The following ZMAT4 variants were observed in gnomAD, a reference collection of about 807,000 sequenced individuals.
The protein encoded by ZMAT4 is zinc finger matrin-type 4.
A neutral mutation model predicts 28.7 loss-of-function variants in ZMAT4; 17 were observed. That is an observed-to-expected ratio of 0.59 (90% CI 0.41 to 0.89). The LOEUF (loss-of-function observed/expected upper bound fraction) is 0.89. ZMAT4 is among the 40% of genes least tolerant of loss of function. The pLI, the probability that ZMAT4 is intolerant of heterozygous loss-of-function variation, is 0.00. For synonymous variants in ZMAT4, 117 were observed against 109.2 expected, an observed-to-expected ratio of 1.07 and a Z score of -0.44; for missense variants, 240 against 283.8, an observed-to-expected ratio of 0.85 and a Z score of 1.11.
At chr8:40,809,396 C>T (rs1157219928) in intron 2 of ZMAT4, among the ~76,000 whole-genome samples, 1 of 152,112 alleles carries the variant, frequency 6.6e-6, no homozygotes, top group East Asian at 1.9e-4. Flanking sequence ...GTGATGGGAT[C>T]CATACCCTGG....
chr8:40,700,711 A>G (rs564437293), intron 3 of ZMAT4, among the ~76,000 whole-genome samples: 1 of 152,132 alleles, frequency 6.6e-6, no homozygotes, highest in Non-Finnish European at 1.5e-5. Flanking sequence ...GGAGTGAGCC[A>G]CTGTACCAGC....
rs1199530602 is a variant in ZMAT4, at chr8:40,657,451, C to CT, written c.577+17252dup. On this transcript the variant is annotated intron_variant, in intron 5 of 6. Coordinates refer to ENST00000297737, the MANE Select transcript of ZMAT4 (RefSeq NM_024645.3). ...AAGAATATTTTCACTGATTAACAGG[C>CT]TTTTTTTTTTCTTGCAGTACTTTAA... 4.5e-3 allele frequency among the ~76,000 whole-genome samples: 665 copies of CT among 148,602 alleles called. 5 individuals carry two copies. Among genetic ancestry groups the CT allele is most frequent in the African/African-American group, 0.015 (602 of 40,628 alleles).
intron 1 of ZMAT4, among the ~76,000 whole-genome samples, chr8:40,896,924 G>A (rs550942723): frequency 5.4e-4 from 82 of 151,474 alleles, no homozygotes; most frequent in Non-Finnish European, 9.7e-4. Context: ...AAGGGTGTAA[G>A]CTTCACATGG....
intron 2 of ZMAT4, among the ~76,000 whole-genome samples, chr8:40,809,042 C>T (rs1323071998): frequency 6.6e-6 from 1 of 152,000 alleles, no homozygotes; most frequent in Non-Finnish European, 1.5e-5. Flanking sequence ...TTTACAAAAG[C>T]AAAGACATGG....
chr8:40,781,359 T>C (rs998174026), intron 2 of ZMAT4, among the ~76,000 whole-genome samples: 2 of 152,150 alleles, frequency 1.3e-5, no homozygotes, highest in African/African-American at 4.8e-5. Flanking sequence ...ATGAACAAAG[T>C]TGGAGAGCTC....
At chr8:40,713,025 C>A (rs1222825793) in intron 3 of ZMAT4, among the ~76,000 whole-genome samples, 1 of 151,518 alleles carries the variant, frequency 6.6e-6, no homozygotes, top group East Asian at 1.9e-4. Context: ...TTTTGAAAAT[C>A]AAAAATGAGA....
intron 5 of ZMAT4, among the ~76,000 whole-genome samples, chr8:40,671,539 G>T (rs1485455808): frequency 1.3e-5 from 2 of 152,168 alleles, no homozygotes; most frequent in African/African-American, 4.8e-5. Context: ...CATAAACAAT[G>T]TGTGATCCAC....
intron 3 of ZMAT4, among the ~76,000 whole-genome samples, chr8:40,722,913 C>A (rs567537753): frequency 6.6e-6 from 1 of 152,264 alleles, no homozygotes; most frequent in East Asian, 1.9e-4. Context: ...AAATTCTCAA[C>A]ACAAGAATGG....
chr8:40,695,279 C>G (rs572710371), intron 4 of ZMAT4, among the ~76,000 whole-genome samples: 52 of 152,350 alleles, frequency 3.4e-4, no homozygotes, highest in South Asian at 6.2e-4. Context: ...TCCCTGCCAA[C>G]AGCTGGGTTG....
At chr8:40,858,733 A>G (rs892533930) in intron 1 of ZMAT4, among the ~76,000 whole-genome samples, 2 of 152,176 alleles carry the variant, frequency 1.3e-5, no homozygotes, top group African/African-American at 2.4e-5. Flanking sequence ...TCAAGGTACT[A>G]GCAAGGTCCT....
rs193140224 is a variant in ZMAT4, at chr8:40,576,284, G to A, written c.674+4881C>T. Reference sequence around the variant, plus strand: ...CAGCTAAAAATTTATCAAACCTACCGAGATACATAAACAACCACATAAACA... The same window carrying A: ...CAGCTAAAAATTTATCAAACCTACCAAGATACATAAACAACCACATAAACA... On this transcript the variant is annotated intron_variant, in intron 6 of 6. Coordinates refer to ENST00000297737, the MANE Select transcript of ZMAT4 (RefSeq NM_024645.3). Among the ~76,000 whole-genome samples, 55 of 151,880 alleles carry A rather than the reference G, an allele frequency of 3.6e-4. 1 individual carries two copies. Among genetic ancestry groups the A allele is most frequent in the Admixed American group, 1.7e-3 (26 of 15,236 alleles).
chr8:40,844,084 A>G (rs891974770), intron 1 of ZMAT4, among the ~76,000 whole-genome samples: 25 of 152,360 alleles, frequency 1.6e-4, no homozygotes, highest in African/African-American at 5.1e-4. Flanking sequence ...AAAGTGCCCA[A>G]TGATTCCACC....
chr8:40,802,409 C>A (rs1212739440), intron 2 of ZMAT4, among the ~76,000 whole-genome samples: 1 of 152,048 alleles, frequency 6.6e-6, no homozygotes, highest in Non-Finnish European at 1.5e-5. Context: ...ATATAAAAGT[C>A]TATTATTTTT....
At chr8:40,598,827 G>GT (rs5891104) in intron 5 of ZMAT4, among the ~76,000 whole-genome samples, 95,212 of 151,982 alleles carry the variant, frequency 0.63, 31,140 homozygotes, top group East Asian at 0.81. Context: ...TCCAAATGCA[G>GT]TTTTTAGATG....
chr8:40,618,811 C>T (rs1477555472), intron 5 of ZMAT4, among the ~76,000 whole-genome samples: 1 of 152,168 alleles, frequency 6.6e-6, no homozygotes, highest in African/African-American at 2.4e-5. Flanking sequence ...TGCTCCTGTT[C>T]AAATGGCATC....
chr8:40,614,489 T>C (rs918493149), intron 5 of ZMAT4, among the ~76,000 whole-genome samples: 1 of 152,176 alleles, frequency 6.6e-6, no homozygotes, highest in African/African-American at 2.4e-5. Flanking sequence ...TTGTTAACTT[T>C]CTGTCTCGTT....
intron 6 of ZMAT4, among the ~76,000 whole-genome samples, chr8:40,536,821 G>A (rs1442997533): frequency 6.6e-6 from 1 of 151,966 alleles, no homozygotes; most frequent in Non-Finnish European, 1.5e-5. Flanking sequence ...AGCTACAGAA[G>A]GAAACTGCTG....
At chr8:40,593,625 C>T (rs1258132854) in intron 5 of ZMAT4, among the ~76,000 whole-genome samples, 1 of 152,180 alleles carries the variant, frequency 6.6e-6, no homozygotes, top group Non-Finnish European at 1.5e-5. Context: ...TTACCTGCCA[C>T]CTGGCCAATG....
chr8:40,542,423 C>G (rs910602402), intron 6 of ZMAT4, among the ~76,000 whole-genome samples: 1 of 152,126 alleles, frequency 6.6e-6, no homozygotes, highest in African/African-American at 2.4e-5. Flanking sequence ...GGATCTCACT[C>G]TGTCACCCAG....
Sources: gnomAD v4.1 joint callset for allele counts (sites outside exome capture counted in the v4.1 genomes callset) on GRCh38, gnomAD v4.1.1 for gene constraint, MANE v1.5 for transcripts, NCBI Gene and HGNC (gene_info 2026-07-23, HGNC 2026-07-21) for gene names.